ABHD3: variants seen among roughly 807,000 people sequenced by gnomAD.
The protein encoded by ABHD3 is abhydrolase domain containing 3, phospholipase, also known as phospholipase ABHD3.
A neutral mutation model predicts 48.8 loss-of-function variants in ABHD3; 46 were observed. The ratio of observed to expected loss-of-function variants is 0.94; its 90% CI spans 0.74 to 1.20. The LOEUF (loss-of-function observed/expected upper bound fraction) is 1.20. ABHD3 is among the 50% of genes most tolerant of loss of function. The pLI, the probability that ABHD3 is intolerant of heterozygous loss-of-function variation, is 0.00. For missense variants in ABHD3, 490 were observed against 497.8 expected (o/e 0.98, Z 0.15); for synonymous variants, 192 against 183.7 (o/e 1.04, Z -0.36).
At chr18:21,673,461 A>C (rs559528047) in intron 4 of ABHD3, among the ~76,000 whole-genome samples, 1 of 151,520 alleles carries the variant, frequency 6.6e-6, no homozygotes, top group East Asian at 2.0e-4. Context: ...CGCTTGGCTA[A>C]TTTTGTATTT....
At chr18:21,655,540 TAAG>T (rs1289347183) in intron 8 of ABHD3, among the ~76,000 whole-genome samples, 1 of 152,126 alleles carries the variant, frequency 6.6e-6, no homozygotes, top group African/African-American at 2.4e-5. Context: ...TTTCTTGACT[TAAG>T]AAAGCAGGAA....
At chr18:21,702,864 T>C (rs1050205342) in intron 2 of ABHD3, among the ~76,000 whole-genome samples, 4 of 152,234 alleles carry the variant, frequency 2.6e-5, no homozygotes, top group African/African-American at 9.6e-5. Flanking sequence ...TGATCTAATC[T>C]CTGACCACTG....
At position 21,693,544 on chromosome 18, in the gene ABHD3, A is replaced by G. The variant is rs566043605; in HGVS notation, c.509+8772T>C. Among the ~76,000 whole-genome samples, 5 of 152,318 alleles carry G rather than the reference A, an allele frequency of 3.3e-5. No individual in the cohort carries two copies. The East Asian group carries it at 9.7e-4, about 29-fold the overall frequency. On this transcript the variant is annotated intron_variant, in intron 3 of 8. Transcript: ENST00000289119. Reference sequence around the variant, plus strand: ...TTTGAGGGCATGCCAACTCTGATAAAAAGAGCTTTGTCCCTGAAGGTTTAA... The same window carrying G: ...TTTGAGGGCATGCCAACTCTGATAAGAAGAGCTTTGTCCCTGAAGGTTTAA...
intron 8 of ABHD3, 54 bp downstream of exon 8, chr18:21,656,807 C>A: frequency 7.0e-7 from 1 of 1,427,096 alleles, no homozygotes; most frequent in South Asian, 1.5e-5. Flanking sequence ...TTAAAAATAA[C>A]AATATATTAA....
At chr18:21,685,311 C>T (rs1054476009) in intron 3 of ABHD3, among the ~76,000 whole-genome samples, 6 of 152,214 alleles carry the variant, frequency 3.9e-5, no homozygotes, top group African/African-American at 1.4e-4. Context: ...ACATACACAA[C>T]TCTGAGTCTC....
At chr18:21,670,462 T>C (rs1304300781) in intron 4 of ABHD3, among the ~76,000 whole-genome samples, 1 of 152,220 alleles carries the variant, frequency 6.6e-6, no homozygotes, top group African/African-American at 2.4e-5. Context: ...CATGACAGTC[T>C]TTCTGCTTAA....
chr18:21,656,748 GT>G (rs970573906), intron 8 of ABHD3, 112 bp downstream of exon 8: 25 of 1,090,362 alleles, frequency 2.3e-5, no homozygotes, highest in Non-Finnish European at 1.5e-5. Flanking sequence ...TGAGTATCTA[GT>G]TTTTTTATCA....
chr18:21,662,695 G>A (rs1348907099), intron 5 of ABHD3, among the ~76,000 whole-genome samples: 3 of 152,158 alleles, frequency 2.0e-5, no homozygotes, highest in Non-Finnish European at 4.4e-5. Context: ...ACTTGGGATC[G>A]TGTCACAGTG....
At chr18:21,697,106 C>T (rs892511768) in intron 3 of ABHD3, among the ~76,000 whole-genome samples, 27 of 145,744 alleles carry the variant, frequency 1.9e-4, no homozygotes, top group Non-Finnish European at 3.6e-4. Flanking sequence ...GCCAGAGTCT[C>T]ACTCTGTCGC....
intron 3 of ABHD3, among the ~76,000 whole-genome samples, chr18:21,694,622 A>G (rs1289159869): frequency 6.6e-6 from 1 of 152,212 alleles, no homozygotes; most frequent in Non-Finnish European, 1.5e-5. Flanking sequence ...ACACAAGTTT[A>G]CAATCTTGCA....
chr18:21,698,388 T>C (rs1383440740), intron 3 of ABHD3, among the ~76,000 whole-genome samples: 1 of 151,844 alleles, frequency 6.6e-6, no homozygotes, highest in African/African-American at 2.4e-5. Context: ...GGTTTCACCA[T>C]GTTGGCCAGG....
chr18:21,666,351 G>T (rs745337097), intron 4 of ABHD3, among the ~76,000 whole-genome samples: 53 of 152,108 alleles, frequency 3.5e-4, no homozygotes, highest in Non-Finnish European at 5.9e-4. Context: ...GTACCACCAC[G>T]CCTGGCTAAT....
rs190966716 is a variant in ABHD3, at chr18:21,673,422, A to G, written c.556-9192T>C. On this transcript the variant is annotated intron_variant, in intron 4 of 8. Coordinates refer to ENST00000289119, the MANE Select transcript of ABHD3 (RefSeq NM_138340.5). ...GATTCTCCTGCCTCAGCCTCCGAGT[A>G]GCTGGGATTACAGACATGCACCACC... is the stretch of plus-strand genomic sequence containing the variant. 3.3e-5 allele frequency among the ~76,000 whole-genome samples: 5 copies of G among 151,544 alleles called. No homozygotes were observed. In the East Asian group the frequency reaches 7.8e-4, roughly 24 times the overall value.
chr18:21,658,207 A>T (rs1187954242), intron 6 of ABHD3, among the ~76,000 whole-genome samples: 3 of 152,058 alleles, frequency 2.0e-5, no homozygotes, highest in Non-Finnish European at 4.4e-5. Context: ...AAAAAAAAAG[A>T]GGGAGAGAAA....
intron 3 of ABHD3, among the ~76,000 whole-genome samples, chr18:21,694,084 C>T (rs1339811295): frequency 1.3e-5 from 2 of 151,466 alleles, no homozygotes. Flanking sequence ...ATAAAATATT[C>T]TCAGGATCAC....
chr18:21,692,055 T>C (rs113836828), intron 3 of ABHD3, among the ~76,000 whole-genome samples: 3 of 152,234 alleles, frequency 2.0e-5, no homozygotes, highest in African/African-American at 7.2e-5. Flanking sequence ...GTTCAAACGG[T>C]TCTTTTGCCT....
intron 4 of ABHD3, chr18:21,682,285 G>A (rs1410629399): frequency 6.6e-6 from 1 of 152,210 alleles, no homozygotes; most frequent in Non-Finnish European, 1.5e-5. Flanking sequence ...TCCAGCCATA[G>A]TAAGTAGCTG....
In ABHD3 at chr18:21,703,699, C is replaced by A; in HGVS notation, c.211G>T (p.Asp71Tyr). 2.5e-6 allele frequency: 4 copies of A among 1,614,092 alleles called. No individual in the cohort carries two copies. The highest frequency in any genetic ancestry group is 2.5e-6 in the Non-Finnish European group (3 of 1,180,028). ...GTTTCTGTAACCACGGGACAGTGGT[C>A]TTGAAGGAAGCGGCTGAAACTCTCA... Reference protein sequence around the residue: ...GGESFSRFLQDHCPVVTETYY... With the variant: ...GGESFSRFLQYHCPVVTETYY... The change falls in exon 2 of 9, where the codon GAC becomes TAC. Residue 71 changes from aspartate (D) to tyrosine (Y), a missense_variant. Coordinates refer to ENST00000289119, the MANE Select transcript of ABHD3 (RefSeq NM_138340.5).
rs997582494 is a variant in ABHD3, at chr18:21,704,747, G to C, written c.-82C>G. ...GGCGAGAGCGGGCGAGAGCGGACGC[G>C]GCGCCGCTGCCTACTCCCGACCACA... On this transcript the variant is annotated 5_prime_UTR_variant, in exon 1 of 9. Transcript: ENST00000289119. 1.6e-6 allele frequency: 2 copies of C among 1,265,210 alleles called. No individual in the cohort carries two copies. Among genetic ancestry groups the C allele is most frequent in the Non-Finnish European group, 2.0e-6 (2 of 984,016 alleles). The allele number at this position is 1,265,210 out of a possible 1,614,324, so 78.4% of individuals were successfully genotyped here. A position where few individuals can be genotyped will look rare whatever the true frequency, so the allele number is the denominator to read the frequency against.
Sources: gnomAD v4.1 joint callset for allele counts (sites outside exome capture counted in the v4.1 genomes callset) on GRCh38, gnomAD v4.1.1 for gene constraint, MANE v1.5 for transcripts, NCBI Gene and HGNC (gene_info 2026-07-23, HGNC 2026-07-21) for gene names.